KCNQ5: variants seen among roughly 807,000 people sequenced by gnomAD.
The protein encoded by KCNQ5 is potassium voltage-gated channel subfamily KQT member 5.
In KCNQ5, 30 loss-of-function variants were observed where a neutral mutation model predicts 98.2. The ratio of observed to expected loss-of-function variants is 0.31; its 90% CI spans 0.23 to 0.41. KCNQ5 has a LOEUF of 0.41. Among genes scored for constraint, KCNQ5 ranks in the 10% least tolerant of loss-of-function variants. The pLI, the probability that KCNQ5 is intolerant of heterozygous loss-of-function variation, is 1.00. For synonymous variants in KCNQ5, 458 were observed against 449.4 expected, an observed-to-expected ratio of 1.02 and a Z score of -0.24; for missense variants, 835 against 1,182.5, an observed-to-expected ratio of 0.71 and a Z score of 4.31.
intron 2 of KCNQ5, among the ~76,000 whole-genome samples, chr6:73,014,809 A>G (rs560231280): frequency 1.3e-5 from 2 of 152,228 alleles, no homozygotes; most frequent in South Asian, 4.1e-4. Flanking sequence ...ATGCGGGCAC[A>G]TGCATTTTTA....
chr6:72,700,692 C>A (rs1768758538), intron 1 of KCNQ5, among the ~76,000 whole-genome samples: 1 of 152,160 alleles, frequency 6.6e-6, no homozygotes, highest in South Asian at 2.1e-4. Context: ...ATCTTATATG[C>A]TTTCTTGAGA....
rs923273846 is a variant in KCNQ5 at position 72,917,044 on chromosome 6, G to A, written c.399-86864G>A. ...GGCCATGGAGGAATAAGGCATCAGC[G>A]TTCTTACACATCCACAGGAATGAGT... On this transcript the variant is annotated intron_variant, in intron 1 of 13. Coordinates refer to ENST00000370398, the MANE Select transcript of KCNQ5 (RefSeq NM_019842.4). 1.4e-4 allele frequency among the ~76,000 whole-genome samples: 22 copies of A among 152,168 alleles called. 1 individual carries two copies. The highest frequency in any genetic ancestry group is 1.3e-3 in the Admixed American group (20 of 15,274).
chr6:73,162,277 T>C (rs1231222980), intron 10 of KCNQ5, among the ~76,000 whole-genome samples: 1 of 152,096 alleles, frequency 6.6e-6, no homozygotes, highest in African/African-American at 2.4e-5. Context: ...AAGCCAATCC[T>C]TAACACTGCT....
chr6:72,675,670 G>C (rs1320072131), intron 1 of KCNQ5, among the ~76,000 whole-genome samples: 3 of 152,150 alleles, frequency 2.0e-5, no homozygotes, highest in Non-Finnish European at 4.4e-5. Context: ...GCTTTCTGAA[G>C]GTATGTGTGA....
At chr6:72,898,599 T>A (rs1033319798) in intron 1 of KCNQ5, among the ~76,000 whole-genome samples, 1 of 152,198 alleles carries the variant, frequency 6.6e-6, no homozygotes, top group Non-Finnish European at 1.5e-5. Context: ...GCTGGTTCCA[T>A]GTCTTAGCTA....
intron 5 of KCNQ5, among the ~76,000 whole-genome samples, chr6:73,103,404 A>T: frequency 6.6e-6 from 1 of 151,886 alleles, no homozygotes; most frequent in Non-Finnish European, 1.5e-5. Context: ...CAAACACCAC[A>T]TGTTCTCATT....
At position 73,103,625 on chromosome 6, in the gene KCNQ5, A is replaced by G. The variant is rs190570101; in HGVS notation, c.919-1632A>G. ...ATTGTGCACATGTACCCTAGAACTT[A>G]AAGTATAATAATTAAAAAAAATTAA... is the stretch of plus-strand genomic sequence containing the variant. On this transcript the variant is annotated intron_variant, in intron 5 of 13. Coordinates refer to ENST00000370398, the MANE Select transcript of KCNQ5 (RefSeq NM_019842.4). Among the ~76,000 whole-genome samples, 353 of 152,304 alleles carry G rather than the reference A, an allele frequency of 2.3e-3. 1 individual carries two copies. The highest frequency in any genetic ancestry group is 8.1e-3 in the African/African-American group (336 of 41,562).
chr6:72,659,986 C>T (rs1366087637), intron 1 of KCNQ5, among the ~76,000 whole-genome samples: 1 of 152,184 alleles, frequency 6.6e-6, no homozygotes, highest in South Asian at 2.1e-4. Flanking sequence ...TGGCTGCTTA[C>T]GGAGTTTCCT....
intron 5 of KCNQ5, among the ~76,000 whole-genome samples, chr6:73,096,541 C>T (rs1422804292): frequency 6.6e-6 from 1 of 152,046 alleles, no homozygotes; most frequent in African/African-American, 2.4e-5. Context: ...ATAGGAGAGG[C>T]ATGATATTCA....
intron 1 of KCNQ5, among the ~76,000 whole-genome samples, chr6:72,656,551 G>T (rs183179405): frequency 1.3e-5 from 2 of 152,212 alleles, no homozygotes; most frequent in Admixed American, 1.3e-4. Context: ...ATATTAAAAT[G>T]CATTTAATTA....
At chr6:72,917,657 G>C (rs1478761051) in intron 1 of KCNQ5, among the ~76,000 whole-genome samples, 3 of 151,910 alleles carry the variant, frequency 2.0e-5, no homozygotes, top group Non-Finnish European at 4.4e-5. Flanking sequence ...ATTTTTAGTA[G>C]AGACTGGGTT....
intron 1 of KCNQ5, among the ~76,000 whole-genome samples, chr6:72,691,596 G>T (rs1274319218): frequency 6.6e-6 from 1 of 152,178 alleles, no homozygotes; most frequent in Non-Finnish European, 1.5e-5. Context: ...GTACAAATGT[G>T]AAATATCAAG....
intron 1 of KCNQ5, among the ~76,000 whole-genome samples, chr6:72,749,198 GAA>G (rs558533689): frequency 1.4e-3 from 211 of 152,206 alleles, no homozygotes; most frequent in Middle Eastern, 6.8e-3. Context: ...ATTTAAAGTT[GAA>G]TCCTTGCTAA....
At chr6:73,153,207 A>G (rs904124270) in intron 10 of KCNQ5, among the ~76,000 whole-genome samples, 11 of 152,258 alleles carry the variant, frequency 7.2e-5, no homozygotes, top group African/African-American at 2.4e-4. Context: ...CAGTGTTGGC[A>G]TAGGGTTTTC....
At chr6:72,919,089 C>T (rs1780283201) in intron 1 of KCNQ5, among the ~76,000 whole-genome samples, 1 of 152,188 alleles carries the variant, frequency 6.6e-6, no homozygotes, top group African/African-American at 2.4e-5. Context: ...CTAGGGCTGA[C>T]TTTGGCCCTG....
rs779736928 is a variant in KCNQ5, at chr6:73,120,589, T to C, written c.1220+12T>C. On this transcript the variant is annotated intron_variant, in intron 8 of 13. Transcript: ENST00000370398. ...TGCAGCCCTACCAAGTAGGTATCAG[T>C]GTGACAGCTGCCACTGTAGTTGAGT... The C allele has an allele frequency of 6.4e-6, 10 of 1,566,894 alleles. No individual in the cohort carries two copies. In the Admixed American group the frequency reaches 8.4e-5, roughly 13 times the overall value.
rs749095570 is a variant in KCNQ5 at position 72,622,477 on chromosome 6, C to T, written c.288C>T (p.Tyr96=). Residue 96 remains tyrosine (Y), a synonymous_variant, in exon 1 of 14, where the codon TAC becomes TAT. Transcript: ENST00000370398. This position sits in a 1 kb window ranked among gnomAD's most constrained non-coding sequence, Gnocchi z 6.0. ...RMSLLGKPLS[Y]TSSQSCRRNV... ...GCCTGCTGGGGAAGCCGCTCTCTTA[C>T]ACGAGTAGCCAGAGCTGCCGGCGCA... The T allele has an allele frequency of 2.5e-6, 4 of 1,606,144 alleles. No homozygotes were observed. Among genetic ancestry groups the T allele is most frequent in the Non-Finnish European group, 8.5e-7 (1 of 1,176,734 alleles).
intron 5 of KCNQ5, among the ~76,000 whole-genome samples, chr6:73,093,983 T>C (rs1319405017): frequency 6.6e-6 from 1 of 152,174 alleles, no homozygotes; most frequent in Non-Finnish European, 1.5e-5. Context: ...TGATTATCTG[T>C]CCAGTGCTGT....
chr6:72,698,607 A>T (rs1210514251), intron 1 of KCNQ5, among the ~76,000 whole-genome samples: 2 of 150,608 alleles, frequency 1.3e-5, no homozygotes, highest in Non-Finnish European at 3.0e-5. Context: ...TAAATGTTCC[A>T]TGATAATTTG....
Sources: gnomAD v4.1 joint callset for allele counts (sites outside exome capture counted in the v4.1 genomes callset) on GRCh38, gnomAD v4.1.1 for gene constraint, Gnocchi (gnomAD v3.1) non-coding constraint, MANE v1.5 for transcripts, NCBI Gene and HGNC (gene_info 2026-07-23, HGNC 2026-07-21) for gene names.